The following ACTA2 variants were observed in gnomAD, a reference collection of about 807,000 sequenced individuals.
The protein encoded by ACTA2 is actin, aortic smooth muscle.
A neutral mutation model predicts 39.5 loss-of-function variants in ACTA2; 12 were observed. The ratio of observed to expected loss-of-function variants is 0.30; its 90% CI spans 0.19 to 0.49. The LOEUF is 0.49. Ranked by LOEUF, ACTA2 falls within the 20% of genes least tolerant of loss-of-function variation. The pLI, the probability that ACTA2 is intolerant of heterozygous loss-of-function variation, is 0.99. For missense variants in ACTA2, 236 were observed against 498.8 expected (o/e 0.47, Z 5.02); for synonymous variants, 158 against 180.6 (o/e 0.88, Z 1.00).
chr10:88,988,640 C>CT (rs940738416), intron 1 of ACTA2, among the ~76,000 whole-genome samples: 2 of 151,924 alleles, frequency 1.3e-5, no homozygotes, highest in African/African-American at 4.8e-5. Flanking sequence ...TTTCTTTGCC[C>CT]TTGAAGGCCT....
intron 1 of ACTA2, among the ~76,000 whole-genome samples, chr10:88,952,136 G>A (rs774624351): frequency 2.6e-5 from 4 of 152,136 alleles, no homozygotes; most frequent in Non-Finnish European, 4.4e-5. Context: ...AAACTTGTAA[G>A]GTCACACATA....
intron 1 of ACTA2, among the ~76,000 whole-genome samples, chr10:88,981,376 G>T (rs1415903435): frequency 8.7e-6 from 1 of 114,390 alleles, no homozygotes; most frequent in Non-Finnish European, 1.8e-5. Context: ...GGTTAAGAGA[G>T]AAATGACTTT....
chr10:88,991,041 G>C (rs1423842099), exon 1 of ACTA2: 1 of 1,238,234 alleles, frequency 8.1e-7, no homozygotes, highest in African/African-American at 1.5e-5. Flanking sequence ...GCGGGCTGCT[G>C]CGGGAGGCGT....
upstream of ACTA2, among the ~76,000 whole-genome samples, chr10:88,954,675 G>A (rs1846105385): frequency 6.6e-6 from 1 of 152,046 alleles, no homozygotes; most frequent in Non-Finnish European, 1.5e-5. Flanking sequence ...CCAAAGCTCT[G>A]ATAATAATCA....
intron 1 of ACTA2, among the ~76,000 whole-genome samples, chr10:88,967,524 C>T (rs974911534): frequency 2.0e-5 from 3 of 152,266 alleles, no homozygotes; most frequent in Non-Finnish European, 4.4e-5. Flanking sequence ...AGCACTAACC[C>T]ATGCTTACAT....
chr10:88,939,753 A>T, intron 6 of ACTA2, 55 bp from the exon 7 acceptor site: 1 of 1,574,792 alleles, frequency 6.4e-7, no homozygotes, highest in Middle Eastern at 1.7e-4. Context: ...CAGGTGGCAA[A>T]GATTCACCTG....
chr10:88,948,588 G>T, intron 2 of ACTA2: 1 of 579,062 alleles, frequency 1.7e-6, no homozygotes, highest in South Asian at 1.9e-5. Flanking sequence ...ACATGAAAAA[G>T]GGGCAGACTT....
intron 2 of ACTA2, among the ~76,000 whole-genome samples, chr10:88,947,717 T>C (rs908349833): frequency 7.2e-5 from 11 of 152,222 alleles, no homozygotes; most frequent in African/African-American, 2.7e-4. Flanking sequence ...ATGGCACATA[T>C]GTGGCACTCA....
chr10:88,950,309 C>T (rs1225423184), intron 1 of ACTA2, among the ~76,000 whole-genome samples: 1 of 152,140 alleles, frequency 6.6e-6, no homozygotes, highest in Non-Finnish European at 1.5e-5. Flanking sequence ...GAGAAAATTT[C>T]TTCTTCTAAA....
intron 1 of ACTA2, among the ~76,000 whole-genome samples, chr10:88,962,980 AT>A (rs199985739): frequency 2.4e-4 from 20 of 82,328 alleles, no homozygotes; most frequent in Non-Finnish European, 4.2e-4. Context: ...TATATATAAT[AT>A]TTTTTTTTTT....
At chr10:88,965,556 G>A (rs1846303940) in intron 1 of ACTA2, among the ~76,000 whole-genome samples, 1 of 152,114 alleles carries the variant, frequency 6.6e-6, no homozygotes, top group Admixed American at 6.6e-5. Context: ...GCCTTAGGAG[G>A]TCAAACACAT....
chr10:88,958,714 C>A (rs1245226929), intron 1 of ACTA2, among the ~76,000 whole-genome samples: 1 of 152,178 alleles, frequency 6.6e-6, no homozygotes, highest in Non-Finnish European at 1.5e-5. Flanking sequence ...CTCAAGTGAA[C>A]CCAGTATTAG....
intron 1 of ACTA2, chr10:88,973,040 T>C: frequency 1.0e-6 from 1 of 983,362 alleles, no homozygotes; most frequent in Non-Finnish European, 1.4e-6. Flanking sequence ...TTTGTAGTTG[T>C]TTTATTTTAA....
At chr10:88,980,562 T>C (rs905062315) in intron 1 of ACTA2, among the ~76,000 whole-genome samples, 3 of 152,190 alleles carry the variant, frequency 2.0e-5, no homozygotes, top group African/African-American at 7.2e-5. Flanking sequence ...GTTCTTATCC[T>C]GCCTACTGCT....
Position 88,979,239 on chromosome 10 carries a change from G to T in ACTA2, c.-24+11700C>A, listed in dbSNP as rs531599396. Among the ~76,000 whole-genome samples, 131 of 151,988 alleles carry T rather than the reference G, an allele frequency of 8.6e-4. 1 individual carries two copies. Among genetic ancestry groups the T allele is most frequent in the African/African-American group, 3.0e-3 (125 of 41,466 alleles). On this transcript the variant is annotated intron_variant, in intron 1 of 4. Transcript: ENST00000415557. ...TGGGGAGGAGAGATAAGGAAGGGAAGAAAGTGAGTACTGAGACAAAAAAGC... is the reference window on the plus strand; with the variant it reads ...TGGGGAGGAGAGATAAGGAAGGGAATAAAGTGAGTACTGAGACAAAAAAGC...
chr10:88,937,305 G>A (rs1175652053), intron 8 of ACTA2, among the ~76,000 whole-genome samples: 1 of 152,236 alleles, frequency 6.6e-6, no homozygotes, highest in African/African-American at 2.4e-5. Flanking sequence ...TGTGTGAACT[G>A]CACTAGAATT....
chr10:88,975,642 A>AT (rs564584574), intron 1 of ACTA2, among the ~76,000 whole-genome samples: 2,567 of 148,842 alleles, frequency 0.017, 33 homozygotes, highest in Non-Finnish European at 0.026. Flanking sequence ...TGAGAGTAGG[A>AT]TTTTTTTTTT....
chr10:88,991,178 G>T (rs943725952), exon 1 of ACTA2: 4 of 579,622 alleles, frequency 6.9e-6, no homozygotes, highest in African/African-American at 1.9e-5. Context: ...GGGCAGCTCC[G>T]GCGCTCCTCG....
In ACTA2 at chr10:88,939,531, T is replaced by C. The variant is rs1382142026; in HGVS notation, c.784A>G (p.Thr262Ala). The change falls in exon 7 of 9, where the codon ACC (threonine) becomes GCC (alanine). Residue 262 changes from threonine to alanine, a missense_variant. Transcript: ENST00000224784. ...IGNERFRCPETLFQPSFIGME... is the reference protein window; with the variant it reads ...IGNERFRCPEALFQPSFIGME... ...CCGATGAAGGATGGCTGGAACAGGG[T>C]CTCTGGGCAGCGGAAACGTTCATTT... 6.2e-7 allele frequency: 1 copy of C among 1,613,446 alleles called. No individual in the cohort carries two copies. Among genetic ancestry groups the C allele is most frequent in the Non-Finnish European group, 8.5e-7 (1 of 1,179,958 alleles).
Sources: allele counts gnomAD v4.1 joint callset (sites outside exome capture counted in the v4.1 genomes callset), GRCh38; gene constraint gnomAD v4.1.1; transcripts MANE v1.5; gene names NCBI Gene and HGNC (gene_info 2026-07-23, HGNC 2026-07-21).